The following RXRA variants were observed in gnomAD, a reference collection of about 807,000 sequenced individuals.
The protein encoded by RXRA is retinoic acid receptor RXR-alpha.
RXRA carries 5 observed loss-of-function variants against 44.5 expected under a neutral mutation model. The ratio of observed to expected loss-of-function variants is 0.11; its 90% CI spans 0.06 to 0.24. The LOEUF (loss-of-function observed/expected upper bound fraction) is 0.24, where lower values mean the gene tolerates loss of function less well. Ranked by LOEUF, RXRA falls within the 10% of genes least tolerant of loss-of-function variation. RXRA has a pLI of 1.00. For missense variants in RXRA, 412 were observed against 646.5 expected (o/e 0.64, Z 3.93); for synonymous variants, 291 against 271.4 (o/e 1.07, Z -0.71).
intron 1 of RXRA, among the ~76,000 whole-genome samples, chr9:134,333,489 C>T (rs1243766611): frequency 6.6e-6 from 1 of 152,040 alleles, no homozygotes; most frequent in African/African-American, 2.4e-5. Flanking sequence ...GCCGTGCGTG[C>T]GGGGTCTGGA....
rs34977513 is a variant in RXRA at position 134,410,850 on chromosome 9, G to T, written c.610+1731G>T. Among the ~76,000 whole-genome samples the T allele has an allele frequency of 2.0e-5, 3 of 152,344 alleles. No homozygotes were observed. In the South Asian group the frequency reaches 6.2e-4, roughly 32 times the overall value. ...TGCGAGCTTGGGGGCAGATGAGAGC[G>T]CTGTGCATGGCTGATGCCTGGCCTG... On this transcript the variant is annotated intron_variant, in intron 4 of 9. Coordinates refer to ENST00000481739, the MANE Select transcript of RXRA (RefSeq NM_002957.6).
At chr9:134,400,706 T>C (rs1830945231) in intron 1 of RXRA, among the ~76,000 whole-genome samples, 1 of 152,146 alleles carries the variant, frequency 6.6e-6, no homozygotes, top group Non-Finnish European at 1.5e-5. Context: ...CCTCCTGAAG[T>C]GTGGTTGGGG....
intron 1 of RXRA, among the ~76,000 whole-genome samples, chr9:134,357,532 T>C (rs1262983396): frequency 6.6e-6 from 1 of 151,686 alleles, no homozygotes; most frequent in South Asian, 2.1e-4. Flanking sequence ...ACGAGCACAG[T>C]GGGGGAGTCG....
At chr9:134,422,740 G>T (rs1453773835) in intron 6 of RXRA, 21 of 985,338 alleles carry the variant, frequency 2.1e-5, no homozygotes, top group Non-Finnish European at 2.5e-5. Flanking sequence ...AAGGGCCTGG[G>T]GCCTCAGTTT....
chr9:134,363,526 G>A (rs1830378706), intron 1 of RXRA, among the ~76,000 whole-genome samples: 1 of 152,248 alleles, frequency 6.6e-6, no homozygotes, highest in African/African-American at 2.4e-5. Context: ...GTGTCTGTGG[G>A]GCAGTTTGCT....
chr9:134,420,108 G>C (rs2119182864), intron 5 of RXRA, among the ~76,000 whole-genome samples: 1 of 152,322 alleles, frequency 6.6e-6, no homozygotes, highest in East Asian at 1.9e-4. Flanking sequence ...GAAGTTCCTG[G>C]GTACAAGGAT....
chr9:134,355,369 G>A (rs1184290985), intron 1 of RXRA, among the ~76,000 whole-genome samples: 1 of 152,232 alleles, frequency 6.6e-6, no homozygotes, highest in Non-Finnish European at 1.5e-5. Context: ...CAGATCCCCC[G>A]ACTCCTTCCC....
chr9:134,435,494 C>T (rs923455282), intron 9 of RXRA, among the ~76,000 whole-genome samples: 16 of 151,996 alleles, frequency 1.1e-4, no homozygotes, highest in Non-Finnish European at 2.2e-4. Flanking sequence ...CTTCTCTGAC[C>T]ATGCTGTGCC....
intron 1 of RXRA, among the ~76,000 whole-genome samples, chr9:134,327,707 T>G (rs1834940435): frequency 6.6e-6 from 1 of 152,084 alleles, no homozygotes; most frequent in Non-Finnish European, 1.5e-5. Flanking sequence ...GAAGCCAATG[T>G]AGCTGCAGGG....
intron 1 of RXRA, among the ~76,000 whole-genome samples, chr9:134,385,713 C>T (rs533690273): frequency 2.0e-5 from 3 of 152,362 alleles, no homozygotes; most frequent in Admixed American, 6.5e-5. Flanking sequence ...GGACAGGCAC[C>T]CTGCATCCGG....
intron 6 of RXRA, chr9:134,425,275 C>T: frequency 3.0e-6 from 3 of 985,346 alleles, no homozygotes; most frequent in Non-Finnish European, 3.6e-6. Flanking sequence ...GCTGCCCTAC[C>T]CGTCCAGGAG....
At chr9:134,423,962 G>A in intron 6 of RXRA, 14 of 985,428 alleles carry the variant, frequency 1.4e-5, no homozygotes, top group Non-Finnish European at 1.7e-5. Context: ...TGTGCGCTGG[G>A]GGCCTGGCGG....
At chr9:134,410,857 A>G (rs1326719017) in intron 4 of RXRA, among the ~76,000 whole-genome samples, 3 of 152,192 alleles carry the variant, frequency 2.0e-5, no homozygotes, top group African/African-American at 7.2e-5. Flanking sequence ...AGCGCTGTGC[A>G]TGGCTGATGC....
chr9:134,406,623 C>T (rs910501738), intron 2 of RXRA, among the ~76,000 whole-genome samples: 5 of 152,192 alleles, frequency 3.3e-5, no homozygotes, highest in African/African-American at 9.7e-5. Flanking sequence ...GGGCCTTGTC[C>T]CCTGGTGCCT....
rs1588306545 is a variant in RXRA, at chr9:134,426,543, C to G, written c.911-2565C>G. The G allele has an allele frequency of 4.1e-6, 4 of 985,476 alleles. No homozygotes were observed. The highest frequency in any genetic ancestry group is 2.4e-6 in the Non-Finnish European group (2 of 829,940). 61.0% of individuals were successfully genotyped at this position (985,476 alleles called of 1,614,324 possible). A position where few individuals can be genotyped will look rare whatever the true frequency, so the allele number is the denominator to read the frequency against. On this transcript the variant is annotated intron_variant, in intron 6 of 9. Transcript: ENST00000481739. The surrounding 1 kb of genome is among the most constrained non-coding windows in gnomAD (Gnocchi z 4.6). ...ACTCCGCACTGTTCTGTCCGTGTGT[C>G]TGGGCTCCTGACCTGTATCCCGTGC...
chr9:134,424,786 C>G (rs779752258), intron 6 of RXRA: 6 of 985,462 alleles, frequency 6.1e-6, no homozygotes, highest in Non-Finnish European at 7.2e-6. Context: ...GGACTCTGTC[C>G]CCCTCCAGGG....
chr9:134,386,636 G>C (rs1181870771), intron 1 of RXRA, among the ~76,000 whole-genome samples: 1 of 152,202 alleles, frequency 6.6e-6, no homozygotes, highest in South Asian at 2.1e-4. Flanking sequence ...GGAGCGTTCT[G>C]ATTCTCCCAG....
At chr9:134,412,471 G>A (rs1425595079) in intron 4 of RXRA, among the ~76,000 whole-genome samples, 1 of 152,302 alleles carries the variant, frequency 6.6e-6, no homozygotes, top group Admixed American at 6.5e-5. Context: ...CTCTGCCCCC[G>A]GCAAAGGCCC....
intron 1 of RXRA, 70 bp from the exon 2 acceptor site, chr9:134,401,562 G>C (rs954838793): frequency 6.9e-6 from 11 of 1,600,910 alleles, no homozygotes; most frequent in Non-Finnish European, 9.3e-6. Flanking sequence ...TGTAGCTGGG[G>C]GGAGCAGGCA....
Sources: allele counts gnomAD v4.1 joint callset (sites outside exome capture counted in the v4.1 genomes callset), GRCh38; gene constraint gnomAD v4.1.1; non-coding constraint Gnocchi (gnomAD v3.1); transcripts MANE v1.5; gene names NCBI Gene and HGNC (gene_info 2026-07-23, HGNC 2026-07-21).